Variants in PPP2R5C observed in about 807,000 individuals in gnomAD.
The protein encoded by PPP2R5C is protein phosphatase 2 regulatory subunit B'gamma.
In PPP2R5C, 7 loss-of-function variants were observed where a neutral mutation model predicts 68.9. The ratio of observed to expected loss-of-function variants is 0.10; its 90% CI spans 0.06 to 0.19. PPP2R5C has a LOEUF of 0.19. Among genes scored for constraint, PPP2R5C ranks in the 10% least tolerant of loss-of-function variants. PPP2R5C has a pLI of 1.00. For missense variants in PPP2R5C, 348 were observed against 641.3 expected (o/e 0.54, Z 4.94); for synonymous variants, 210 against 222.2 (o/e 0.95, Z 0.49).
intron 8 of PPP2R5C, among the ~76,000 whole-genome samples, chr14:101,901,024 A>T (rs1164028323): frequency 1.3e-5 from 2 of 152,254 alleles, no homozygotes; most frequent in African/African-American, 4.8e-5. Flanking sequence ...AGCTTAATTC[A>T]CATCACTCCT....
At chr14:101,872,765 A>G (rs2043509361) in intron 2 of PPP2R5C, among the ~76,000 whole-genome samples, 1 of 151,548 alleles carries the variant, frequency 6.6e-6, no homozygotes, top group Non-Finnish European at 1.5e-5. Flanking sequence ...GGTTTCCTTC[A>G]TTTTGCCTGT....
At chr14:101,817,300 A>G (rs1236652822) in intron 1 of PPP2R5C, among the ~76,000 whole-genome samples, 1 of 152,124 alleles carries the variant, frequency 6.6e-6, no homozygotes. Flanking sequence ...CTCTCTTATC[A>G]TTTCAATATT....
chr14:101,761,942 G>A (rs2036565034), intron 1 of PPP2R5C, 22 bp downstream of exon 1: 2 of 1,191,682 alleles, frequency 1.7e-6, no homozygotes, highest in Non-Finnish European at 2.1e-6. Flanking sequence ...CCCGGCCGCG[G>A]GACGGAGGGA....
upstream of PPP2R5C, chr14:101,760,623 G>T: frequency 5.9e-6 from 5 of 844,680 alleles, no homozygotes; most frequent in Non-Finnish European, 7.1e-6. Context: ...CTGTCGGGTA[G>T]GCGGGACCTT....
rs1595447760 is a variant in PPP2R5C at position 101,877,647 on chromosome 14, G to T, written c.295-4514G>T. 6.6e-6 allele frequency among the ~76,000 whole-genome samples: 1 copy of T among 152,276 alleles called. No homozygotes were observed. The highest frequency in any genetic ancestry group is 1.5e-5 in the Non-Finnish European group (1 of 68,008). ...CCCCTGATTCGCCCCTGCAGCTTTT[G>T]TGTTAAGAAATGTTGCTAGGTCAGA... On this transcript the variant is annotated intron_variant, in intron 2 of 13. Coordinates refer to ENST00000334743, the Ensembl canonical transcript of PPP2R5C. The surrounding 1 kb of genome is among the most constrained non-coding windows in gnomAD (Gnocchi z 4.2).
At chr14:101,762,440 C>T (rs1053580465) in intron 1 of PPP2R5C, among the ~76,000 whole-genome samples, 2 of 151,782 alleles carry the variant, frequency 1.3e-5, no homozygotes, top group Non-Finnish European at 2.9e-5. Flanking sequence ...CTGGGGCTCT[C>T]GAACACTATT....
chr14:101,921,529 TA>T (rs559518024), intron 13 of PPP2R5C: 146 of 144,332 alleles, frequency 1.0e-3, no homozygotes, highest in South Asian at 3.9e-3. Flanking sequence ...CTCTGAAAAT[TA>T]AAAAAAAAAA....
intron 2 of PPP2R5C, chr14:101,765,379 C>A: frequency 3.1e-6 from 2 of 637,350 alleles, no homozygotes; most frequent in Non-Finnish European, 5.7e-6. Context: ...TGTTTTTTTT[C>A]CCCTCAGTCT....
Position 101,882,012 on chromosome 14 carries a change from G to T in PPP2R5C, c.295-149G>T. On this transcript the variant is annotated intron_variant, in intron 2 of 13. Coordinates refer to ENST00000334743, the Ensembl canonical transcript of PPP2R5C. This position sits in a 1 kb window ranked among gnomAD's most constrained non-coding sequence, Gnocchi z 4.9. ...AGTTTTGATCCAGGCTCTCTCTGAG[G>T]ACCCACACAGCTTCTGCGTTTTGAG... is the stretch of plus-strand genomic sequence containing the variant. 1.7e-6 allele frequency: 1 copy of T among 583,592 alleles called. No individual in the cohort carries two copies. 36.2% of individuals were successfully genotyped at this position (583,592 alleles called of 1,614,324 possible). A position where few individuals can be genotyped will look rare whatever the true frequency, so the allele number is the denominator to read the frequency against.
At chr14:101,925,394 G>T in exon 14 of PPP2R5C, 1 of 1,435,512 alleles carries the variant, frequency 7.0e-7, no homozygotes. Flanking sequence ...CCGTTCCGTA[G>T]GCAATAACGT....
chr14:101,807,547 G>A (rs2039124743), upstream of PPP2R5C, among the ~76,000 whole-genome samples: 1 of 152,124 alleles, frequency 6.6e-6, no homozygotes, highest in Admixed American at 6.5e-5. Context: ...AGATCAGTTT[G>A]GGGGGAAATT....
At chr14:101,840,795 T>G (rs941554760) in intron 1 of PPP2R5C, among the ~76,000 whole-genome samples, 12 of 152,220 alleles carry the variant, frequency 7.9e-5, no homozygotes, top group African/African-American at 2.4e-4. Flanking sequence ...AATTGTGTTA[T>G]GCAGAACCAG....
intron 9 of PPP2R5C, among the ~76,000 whole-genome samples, chr14:101,903,548 C>T (rs1474786349): frequency 2.6e-5 from 4 of 152,246 alleles, no homozygotes; most frequent in Non-Finnish European, 5.9e-5. Flanking sequence ...CCCAACTCGC[C>T]CTCGTCTGTG....
chr14:101,863,659 G>T (rs2042889399), intron 2 of PPP2R5C, among the ~76,000 whole-genome samples: 1 of 152,152 alleles, frequency 6.6e-6, no homozygotes. Context: ...CACTTTGGGA[G>T]GCCAAGGCTG....
At chr14:101,919,899 G>A (rs913939471) in intron 13 of PPP2R5C, among the ~76,000 whole-genome samples, 1 of 149,012 alleles carries the variant, frequency 6.7e-6, no homozygotes, top group Non-Finnish European at 1.5e-5. Context: ...AACCTGGGAG[G>A]TGGAGGTTGC....
rs2042234629 is a variant in PPP2R5C, at chr14:101,852,715, A to G, written c.95-3971A>G. 3.3e-5 allele frequency among the ~76,000 whole-genome samples: 5 copies of G among 151,368 alleles called. No individual in the cohort carries two copies. In the South Asian group the frequency reaches 1.0e-3, roughly 32 times the overall value. Reference sequence around the variant, plus strand: ...TCGAACTCCTGACCTCAGATGATCCACCCATCTCGGCCTCCCAAAGCGCTG... The same window carrying G: ...TCGAACTCCTGACCTCAGATGATCCGCCCATCTCGGCCTCCCAAAGCGCTG... On this transcript the variant is annotated intron_variant, in intron 1 of 13. Transcript: ENST00000334743.
chr14:101,785,641 A>G (rs1302507415), intron 2 of PPP2R5C, among the ~76,000 whole-genome samples: 1 of 152,178 alleles, frequency 6.6e-6, no homozygotes, highest in Non-Finnish European at 1.5e-5. Flanking sequence ...TCCCATCTCA[A>G]GATTCTTAAC....
At chr14:101,832,996 A>G (rs10143160) in intron 1 of PPP2R5C, among the ~76,000 whole-genome samples, 33,943 of 152,178 alleles carry the variant, frequency 0.22, 4,253 homozygotes, top group African/African-American at 0.34. Context: ...GGGAGGTTGC[A>G]GTGTGAACAC....
Position 101,920,745 on chromosome 14 carries a change from T to C in PPP2R5C, c.1443+2798T>C, listed in dbSNP as rs1305173251. ...CAAAGTTGGAAGACTAATAATACTA[T>C]GCAATTCCAAGACTTCTTATAGTTT... On this transcript the variant is annotated intron_variant, in intron 13 of 13. Transcript: ENST00000334743. Among the ~76,000 whole-genome samples, 9 of 152,320 alleles carry C rather than the reference T, an allele frequency of 5.9e-5. No individual in the cohort carries two copies. The East Asian group carries it at 1.7e-3, about 29-fold the overall frequency.
Sources: gnomAD v4.1 joint callset for allele counts (sites outside exome capture counted in the v4.1 genomes callset) on GRCh38, gnomAD v4.1.1 for gene constraint, Gnocchi (gnomAD v3.1) non-coding constraint, MANE v1.5 for transcripts, NCBI Gene and HGNC (gene_info 2026-07-23, HGNC 2026-07-21) for gene names.